KIF16B: variants seen among roughly 807,000 people sequenced by gnomAD.
KIF16B encodes the protein kinesin-like protein KIF16B.
KIF16B carries 98 observed loss-of-function variants against 156.3 expected under a neutral mutation model. The observed-to-expected ratio is 0.63, with a 90% CI of 0.53 to 0.74. The LOEUF (loss-of-function observed/expected upper bound fraction) is 0.74. Among genes scored for constraint, KIF16B ranks in the 30% least tolerant of loss-of-function variants. KIF16B has a pLI of 0.00. For missense variants in KIF16B, 1,421 were observed against 1,606.5 expected (o/e 0.88, Z 1.97); for synonymous variants, 564 against 583.7 (o/e 0.97, Z 0.49).
intron 17 of KIF16B, among the ~76,000 whole-genome samples, chr20:16,383,762 T>TA (rs966878160): frequency 5.9e-5 from 9 of 152,234 alleles, no homozygotes; most frequent in African/African-American, 1.9e-4. Context: ...AGAATTTCCC[T>TA]AATGGAATGA....
At chr20:16,532,608 G>A (rs2069800434) in intron 1 of KIF16B, among the ~76,000 whole-genome samples, 1 of 152,122 alleles carries the variant, frequency 6.6e-6, no homozygotes, top group Non-Finnish European at 1.5e-5. Context: ...CAAACCACCT[G>A]GGTTTATTTA....
intron 17 of KIF16B, among the ~76,000 whole-genome samples, chr20:16,387,928 C>T (rs144394711): frequency 6.6e-6 from 1 of 152,310 alleles, no homozygotes; most frequent in Non-Finnish European, 1.5e-5. Context: ...GCGCTTGAGG[C>T]TGTTGCTCTG....
intron 2 of KIF16B, among the ~76,000 whole-genome samples, chr20:16,526,761 T>C (rs1223647851): frequency 6.6e-6 from 1 of 152,226 alleles, no homozygotes; most frequent in Non-Finnish European, 1.5e-5. Flanking sequence ...TCCCCCTTGC[T>C]ATATGCTTAA....
At chr20:16,514,108 A>C (rs2069053935) in intron 4 of KIF16B, among the ~76,000 whole-genome samples, 1 of 152,242 alleles carries the variant, frequency 6.6e-6, no homozygotes, top group Admixed American at 6.5e-5. Flanking sequence ...ATTGGAGAAA[A>C]ACACTTGTAA....
chr20:16,404,949 G>T (rs748151108), intron 16 of KIF16B, 48 bp from the exon 17 acceptor site: 3 of 1,356,194 alleles, frequency 2.2e-6, no homozygotes, highest in African/African-American at 2.9e-5. Flanking sequence ...GAGAAGAAAA[G>T]GCCACTGCTC....
chr20:16,315,573 C>T (rs963665513), intron 24 of KIF16B, among the ~76,000 whole-genome samples: 9 of 152,156 alleles, frequency 5.9e-5, no homozygotes, highest in Non-Finnish European at 1.2e-4. Context: ...CATACCACTC[C>T]AAGGCAGTCA....
chr20:16,420,521 G>T (rs2066199794), intron 15 of KIF16B, among the ~76,000 whole-genome samples: 1 of 152,088 alleles, frequency 6.6e-6, no homozygotes. Flanking sequence ...AACTGGAAAG[G>T]GGTGGTGGAA....
At chr20:16,433,770 T>G (rs2066570191) in intron 12 of KIF16B, among the ~76,000 whole-genome samples, 1 of 152,184 alleles carries the variant, frequency 6.6e-6, no homozygotes. Context: ...CTACATGATA[T>G]TATAAAAGTG....
At chr20:16,355,632 G>A (rs1312485194) in intron 23 of KIF16B, among the ~76,000 whole-genome samples, 1 of 152,178 alleles carries the variant, frequency 6.6e-6, no homozygotes, top group South Asian at 2.1e-4. Context: ...TTGAGAAGAG[G>A]ATGGTGGCCA....
At chr20:16,423,291 T>G (rs542197353) in intron 15 of KIF16B, among the ~76,000 whole-genome samples, 1 of 152,280 alleles carries the variant, frequency 6.6e-6, no homozygotes, top group African/African-American at 2.4e-5. Flanking sequence ...ACTAGTTCTG[T>G]GGCAGAGTTT....
chr20:16,407,040 A>C (rs540833469), intron 15 of KIF16B, among the ~76,000 whole-genome samples: 1 of 152,344 alleles, frequency 6.6e-6, no homozygotes, highest in South Asian at 2.1e-4. Flanking sequence ...ATTCCACATT[A>C]GACCCATAAG....
rs558721010 is a variant in KIF16B, at chr20:16,523,028, G to A, written c.231+3064C>T. 2.4e-4 allele frequency among the ~76,000 whole-genome samples: 36 copies of A among 152,170 alleles called. No individual in the cohort carries two copies. The South Asian group carries it at 6.9e-3, about 29-fold the overall frequency. On this transcript the variant is annotated intron_variant, in intron 3 of 25. Transcript: ENST00000354981. ...TCAATAAACTAGGTATTGATGGAAGGTATCTCAAAATAATAACAGCTATTT... is the reference window on the plus strand; with the variant it reads ...TCAATAAACTAGGTATTGATGGAAGATATCTCAAAATAATAACAGCTATTT...
chr20:16,327,343 A>G (rs763775835), intron 24 of KIF16B, among the ~76,000 whole-genome samples: 2 of 152,148 alleles, frequency 1.3e-5, no homozygotes, highest in African/African-American at 4.8e-5. Context: ...GGTACAGTTT[A>G]CACTGCTCAA....
chr20:16,294,764 T>C (rs2063359639), intron 25 of KIF16B, among the ~76,000 whole-genome samples: 1 of 152,136 alleles, frequency 6.6e-6, no homozygotes, highest in Admixed American at 6.5e-5. Context: ...ACAGCGTATG[T>C]CAGCCTGTGG....
At chr20:16,290,252 C>A (rs114695060) in intron 25 of KIF16B, among the ~76,000 whole-genome samples, 1 of 152,172 alleles carries the variant, frequency 6.6e-6, no homozygotes, top group African/African-American at 2.4e-5. Context: ...ACTCGGCCAT[C>A]GAGGAGTAGT....
Position 16,573,347 on chromosome 20 carries a change from C to A in KIF16B, c.-72G>T. 1.3e-6 allele frequency: 2 copies of A among 1,535,318 alleles called. No homozygotes were observed. Among genetic ancestry groups the A allele is most frequent in the Non-Finnish European group, 1.8e-6 (2 of 1,122,716 alleles). Reference sequence around the variant, plus strand: ...CCGCGGTCGCCGGCGACGCTGGCTACTCAGATCGCGGCTCCCGCCCACTTC... The same window carrying A: ...CCGCGGTCGCCGGCGACGCTGGCTAATCAGATCGCGGCTCCCGCCCACTTC... On this transcript the variant is annotated 5_prime_UTR_variant, in exon 1 of 26. Coordinates refer to ENST00000354981, the MANE Select transcript of KIF16B (RefSeq NM_024704.5).
intron 12 of KIF16B, among the ~76,000 whole-genome samples, chr20:16,488,490 G>A (rs2068190016): frequency 6.6e-6 from 1 of 152,168 alleles, no homozygotes; most frequent in African/African-American, 2.4e-5. Context: ...TAAAGACTGG[G>A]GTGGGGAAGG....
chr20:16,453,480 A>G (rs1273731037), intron 12 of KIF16B, among the ~76,000 whole-genome samples: 2 of 152,120 alleles, frequency 1.3e-5, no homozygotes, highest in Non-Finnish European at 2.9e-5. Context: ...TACATGATTC[A>G]CATCCACACA....
chr20:16,305,933 T>G (rs1420727122), intron 25 of KIF16B, among the ~76,000 whole-genome samples: 1 of 152,322 alleles, frequency 6.6e-6, no homozygotes, highest in East Asian at 1.9e-4. Flanking sequence ...TTAGGTTGAT[T>G]CCATATCTTG....
Sources: gnomAD v4.1 joint callset for allele counts (sites outside exome capture counted in the v4.1 genomes callset) on GRCh38, gnomAD v4.1.1 for gene constraint, MANE v1.5 for transcripts, NCBI Gene and HGNC (gene_info 2026-07-23, HGNC 2026-07-21) for gene names.